TMEM116: variants seen among roughly 807,000 people sequenced by gnomAD.
TMEM116 encodes transmembrane protein 116.
A neutral mutation model predicts 44.3 loss-of-function variants in TMEM116; 38 were observed. The ratio of observed to expected loss-of-function variants is 0.86; its 90% confidence interval spans 0.66 to 1.12. The LOEUF is 1.12. Ranked by LOEUF, TMEM116 falls within the 50% of genes most tolerant of loss-of-function variation. TMEM116 has a pLI of 0.00. For missense variants in TMEM116, 354 were observed against 401.7 expected, an observed-to-expected ratio of 0.88 and a Z score of 1.01; for synonymous variants, 132 against 144.8, an observed-to-expected ratio of 0.91 and a Z score of 0.64.
intron 2 of TMEM116, 150 bp from the exon 3 acceptor site, chr12:112,004,013 C>T: frequency 1.7e-6 from 2 of 1,168,396 alleles, no homozygotes; most frequent in Non-Finnish European, 1.1e-6. Flanking sequence ...CAGGGTCTTG[C>T]TATGTCAGCC....
chr12:111,945,703 T>A (rs2073219301), intron 4 of TMEM116, among the ~76,000 whole-genome samples: 1 of 152,214 alleles, frequency 6.6e-6, no homozygotes, highest in African/African-American at 2.4e-5. Flanking sequence ...CTACCTTGCA[T>A]AAAGAAGAAT....
chr12:111,995,785 T>C (rs1291098110), intron 3 of TMEM116, among the ~76,000 whole-genome samples: 1 of 151,758 alleles, frequency 6.6e-6, no homozygotes, highest in African/African-American at 2.4e-5. Flanking sequence ...AATCCTAACA[T>C]TTTGGGAGGC....
intron 3 of TMEM116, among the ~76,000 whole-genome samples, chr12:111,997,078 G>C (rs753158882): frequency 2.0e-5 from 3 of 152,192 alleles, no homozygotes; most frequent in Admixed American, 6.5e-5. Flanking sequence ...ATTATCTCTA[G>C]AGGTGAGAGG....
rs1197463242 is a variant in TMEM116 at position 111,933,956 on chromosome 12, C to A, written c.663G>T (p.Trp221Cys). ...GTTGGTCCACAATGTGAATCACTGC[C>A]CACTGTTCACTCCCCAGAAAGCCAG... ...KSTGFLGSEQ[W>C]AVIHIVDQRV... The change falls in exon 9 of 11, where the codon TGG becomes TGT. Residue 221 changes from tryptophan to cysteine, a missense_variant. Coordinates refer to ENST00000552374, the MANE Select transcript of TMEM116 (RefSeq NM_001193531.2). 1 of 1,614,126 alleles carries A rather than the reference C, an allele frequency of 6.2e-7. No homozygotes were observed. Among genetic ancestry groups the A allele is most frequent in the Non-Finnish European group, 8.5e-7 (1 of 1,180,030 alleles).
intron 4 of TMEM116, among the ~76,000 whole-genome samples, chr12:111,969,588 T>TA (rs2075208982): frequency 1.3e-5 from 2 of 151,832 alleles, no homozygotes; most frequent in South Asian, 4.1e-4. Context: ...TTCTGTTGTT[T>TA]TTTTTTTGAA....
chr12:111,984,012 G>C (rs2076089010), intron 4 of TMEM116, among the ~76,000 whole-genome samples: 1 of 152,016 alleles, frequency 6.6e-6, no homozygotes, highest in Non-Finnish European at 1.5e-5. Context: ...TGCAACGATG[G>C]TTCAACATAC....
At chr12:111,970,394 G>A (rs765548861) in intron 4 of TMEM116, among the ~76,000 whole-genome samples, 2 of 151,906 alleles carry the variant, frequency 1.3e-5, no homozygotes, top group Non-Finnish European at 1.5e-5. Flanking sequence ...CTAATACCTG[G>A]GTAATAAAAG....
intron 8 of TMEM116, chr12:111,935,488 G>C (rs943306894): frequency 6.6e-6 from 1 of 152,080 alleles, no homozygotes; most frequent in African/African-American, 2.4e-5. Flanking sequence ...GGAATCCTCA[G>C]GGTGCCAGGA....
chr12:111,937,466 C>T (rs537869586), intron 6 of TMEM116, among the ~76,000 whole-genome samples: 1 of 152,236 alleles, frequency 6.6e-6, no homozygotes, highest in African/African-American at 2.4e-5. Context: ...TATACCTAGG[C>T]TAATGAACGC....
intron 1 of TMEM116, among the ~76,000 whole-genome samples, chr12:112,007,177 G>C (rs1477889115): frequency 6.6e-6 from 1 of 152,208 alleles, no homozygotes; most frequent in Admixed American, 6.5e-5. Context: ...CACTTTGGGA[G>C]GCCAAGTCAG....
chr12:111,967,681 T>C (rs2075059272), intron 4 of TMEM116, among the ~76,000 whole-genome samples: 1 of 151,996 alleles, frequency 6.6e-6, no homozygotes, highest in Non-Finnish European at 1.5e-5. Flanking sequence ...GACACAATGA[T>C]ACAAGCCCTA....
chr12:111,947,434 T>G (rs1164224178), intron 4 of TMEM116, among the ~76,000 whole-genome samples: 1 of 152,188 alleles, frequency 6.6e-6, no homozygotes, highest in Non-Finnish European at 1.5e-5. Context: ...ACTTGAGATG[T>G]CAAATTATAT....
At chr12:111,980,632 A>G (rs1043906912) in intron 4 of TMEM116, among the ~76,000 whole-genome samples, 1 of 152,174 alleles carries the variant, frequency 6.6e-6, no homozygotes, top group African/African-American at 2.4e-5. Context: ...ACTAAGGCAA[A>G]ATGATTATAG....
chr12:111,947,777 T>C (rs1423256578), intron 4 of TMEM116, among the ~76,000 whole-genome samples: 1 of 152,168 alleles, frequency 6.6e-6, no homozygotes, highest in Non-Finnish European at 1.5e-5. Flanking sequence ...ATAACTTCAA[T>C]ATTAATGGAC....
intron 3 of TMEM116, among the ~76,000 whole-genome samples, chr12:111,998,099 G>A (rs1369401001): frequency 1.3e-5 from 2 of 152,220 alleles, no homozygotes; most frequent in Non-Finnish European, 2.9e-5. Flanking sequence ...TCTTGGACAT[G>A]TCTGAAGAAC....
intron 1 of TMEM116, among the ~76,000 whole-genome samples, chr12:112,009,275 C>T (rs1474611742): frequency 6.6e-6 from 1 of 152,106 alleles, no homozygotes; most frequent in African/African-American, 2.4e-5. Context: ...AACAAATTAC[C>T]CTCCAGAATT....
intron 4 of TMEM116, among the ~76,000 whole-genome samples, chr12:111,962,986 C>A (rs1222241482): frequency 1.3e-5 from 2 of 152,072 alleles, no homozygotes; most frequent in African/African-American, 4.8e-5. Flanking sequence ...ACAACTCCAT[C>A]AAAAAGTGGG....
At chr12:111,944,629 G>A (rs2073105072) in intron 4 of TMEM116, among the ~76,000 whole-genome samples, 2 of 152,196 alleles carry the variant, frequency 1.3e-5, no homozygotes, top group Admixed American at 1.3e-4. Context: ...AGCAGAGGAA[G>A]CTATATGGTA....
intron 4 of TMEM116, among the ~76,000 whole-genome samples, chr12:111,951,480 A>G (rs988456394): frequency 2.0e-5 from 3 of 152,346 alleles, no homozygotes; most frequent in East Asian, 3.9e-4. Flanking sequence ...GGAATACCAT[A>G]CAGTCATAAA....
Sources: allele counts gnomAD v4.1 joint callset (sites outside exome capture counted in the v4.1 genomes callset), GRCh38; gene constraint gnomAD v4.1.1; transcripts MANE v1.5; gene names NCBI Gene and HGNC (gene_info 2026-07-23, HGNC 2026-07-21).